GCNT2: variants seen among roughly 807,000 people sequenced by gnomAD.
GCNT2 encodes the protein glucosaminyl (N-acetyl) transferase 2 (I blood group).
In GCNT2, 34 loss-of-function variants were observed where a neutral mutation model predicts 34.2. The ratio of observed to expected loss-of-function variants is 1.00; its 90% CI spans 0.76 to 1.32. The LOEUF is 1.32. Among genes scored for constraint, GCNT2 ranks in the 40% most tolerant of loss-of-function variants. GCNT2 has a pLI of 0.00. For missense variants in GCNT2, 584 were observed against 489.4 expected (o/e 1.19, Z -1.82); for synonymous variants, 212 against 188.0 (o/e 1.13, Z -1.04).
chr6:10,553,535 T>C (rs1762566126), intron 3 of GCNT2, among the ~76,000 whole-genome samples: 1 of 152,202 alleles, frequency 6.6e-6, no homozygotes, highest in African/African-American at 2.4e-5. Context: ...TCCTCTGTCA[T>C]TTCAAAGAAA....
chr6:10,541,966 C>T (rs961820311), intron 3 of GCNT2, among the ~76,000 whole-genome samples: 2 of 152,126 alleles, frequency 1.3e-5, no homozygotes, highest in African/African-American at 2.4e-5. Context: ...AAAGCAGAAT[C>T]TTGGAGGGTA....
chr6:10,591,822 A>G (rs1179450629), intron 3 of GCNT2, among the ~76,000 whole-genome samples: 1 of 152,228 alleles, frequency 6.6e-6, no homozygotes. Context: ...ATAGAAAGAA[A>G]CTCAAAACGT....
rs143363982 is a variant in GCNT2 at position 10,529,689 on chromosome 6, A to G, written c.778A>G (p.Ile260Val). 27 of 1,613,872 alleles carry G rather than the reference A, an allele frequency of 1.7e-5. No homozygotes were observed. The African/African-American group carries it at 3.6e-4, about 22-fold the overall frequency. Residue 260 changes from isoleucine (I) to valine (V), a missense_variant, in exon 3 of 5, where the codon ATT (isoleucine) becomes GTT (valine). Transcript: ENST00000495262. Reference protein sequence around the residue: ...LKTPPPHDMVIYFGTAYVALT... With the variant: ...LKTPPPHDMVVYFGTAYVALT... ...AACTCCTCCTCCTCATGACATGGTG[A>G]TTTACTTTGGCACGGCCTACGTGGC...
chr6:10,524,986 C>G (rs1046366793), intron 1 of GCNT2, among the ~76,000 whole-genome samples: 7 of 152,104 alleles, frequency 4.6e-5, no homozygotes, highest in African/African-American at 7.2e-5. Context: ...CCCACCCCCC[C>G]GGTTTCTAAT....
At chr6:10,545,068 G>A (rs1455935604) in intron 3 of GCNT2, among the ~76,000 whole-genome samples, 1 of 152,136 alleles carries the variant, frequency 6.6e-6, no homozygotes, top group African/African-American at 2.4e-5. Flanking sequence ...TTCCTTTTCT[G>A]CGATTTTATG....
At chr6:10,526,734 T>G (rs1396849014) in intron 1 of GCNT2, among the ~76,000 whole-genome samples, 1 of 152,178 alleles carries the variant, frequency 6.6e-6, no homozygotes, top group Admixed American at 6.5e-5. Flanking sequence ...TAAGAATGTG[T>G]ATTTCCTATA....
intron 3 of GCNT2, among the ~76,000 whole-genome samples, chr6:10,608,522 T>C (rs113485566): frequency 5.8e-4 from 89 of 152,338 alleles, no homozygotes; most frequent in African/African-American, 2.0e-3. Context: ...TCTAAATCTT[T>C]GCGAGCTTGA....
rs371217806 is a variant in GCNT2, at chr6:10,626,582, C to T, written c.1184C>T (p.Ala395Val). Residue 395 changes from alanine (A) to valine (V), a missense_variant, in exon 5 of 5, where the codon GCG becomes GTG. Physicochemically the swap from Ala to Val is moderately conservative, Grantham distance 64. Coordinates refer to ENST00000495262, the MANE Select transcript of GCNT2 (RefSeq NM_145649.5). ...AGAACCCTCAATCAGAGTGAAACTG[C>T]GATACAACCCAGCTGGTATTTTTGA... is the stretch of plus-strand genomic sequence containing the variant. ...RERTLNQSET[A>V]IQPSWYF 98 of 1,613,382 alleles carry T rather than the reference C, an allele frequency of 6.1e-5. 1 individual carries two copies. The South Asian group carries it at 9.6e-4, about 16-fold the overall frequency.
At chr6:10,578,445 CTTTTTTTTTT>C (rs1211582798) in intron 3 of GCNT2, among the ~76,000 whole-genome samples, 1 of 103,948 alleles carries the variant, frequency 9.6e-6, no homozygotes, top group East Asian at 2.6e-4. Context: ...AGCTTACATT[CTTTTTTTTTT>C]TTTTTTTTTT....
At chr6:10,616,283 A>G (rs1765757236) in intron 3 of GCNT2, among the ~76,000 whole-genome samples, 1 of 152,164 alleles carries the variant, frequency 6.6e-6, no homozygotes, top group Non-Finnish European at 1.5e-5. Flanking sequence ...CTTCGTGGTG[A>G]GTGTTACCAC....
chr6:10,523,162 C>CTG (rs1307620202), intron 1 of GCNT2, among the ~76,000 whole-genome samples: 1 of 152,174 alleles, frequency 6.6e-6, no homozygotes, highest in Non-Finnish European at 1.5e-5. Flanking sequence ...TGGCTCATGA[C>CTG]TGTAATCCCA....
chr6:10,583,379 G>T (rs554779363), intron 3 of GCNT2, among the ~76,000 whole-genome samples: 1 of 152,112 alleles, frequency 6.6e-6, no homozygotes, highest in Non-Finnish European at 1.5e-5. Context: ...CGGCAGGTAC[G>T]ATTGCTAGGT....
intron 3 of GCNT2, among the ~76,000 whole-genome samples, chr6:10,531,874 CTTTTTTTTT>C (rs71548846): frequency 7.7e-6 from 1 of 129,586 alleles, no homozygotes; most frequent in Admixed American, 8.0e-5. Context: ...CCAATCCCCA[CTTTTTTTTT>C]TTTTTTTTTT....
At chr6:10,559,330 G>C (rs1316522591) in intron 3 of GCNT2, among the ~76,000 whole-genome samples, 1 of 152,186 alleles carries the variant, frequency 6.6e-6, no homozygotes, top group East Asian at 1.9e-4. Flanking sequence ...GTAGAGGAGA[G>C]AATGCTACCT....
intron 3 of GCNT2, among the ~76,000 whole-genome samples, chr6:10,555,417 G>T (rs1169623986): frequency 1.3e-5 from 2 of 152,048 alleles, no homozygotes; most frequent in African/African-American, 4.8e-5. Context: ...GCTTAACTGG[G>T]CAGGCATATG....
intron 3 of GCNT2, among the ~76,000 whole-genome samples, chr6:10,580,858 G>C (rs1251878403): frequency 6.6e-6 from 1 of 152,294 alleles, no homozygotes; most frequent in East Asian, 1.9e-4. Flanking sequence ...CCCAGCCCTG[G>C]TTTTCATGTT....
intron 3 of GCNT2, among the ~76,000 whole-genome samples, chr6:10,570,566 T>G (rs1284264286): frequency 6.6e-6 from 1 of 152,218 alleles, no homozygotes; most frequent in Non-Finnish European, 1.5e-5. Context: ...TCTGGACATT[T>G]CCTGGTTCAT....
chr6:10,598,423 C>T (rs1323639108), intron 3 of GCNT2, among the ~76,000 whole-genome samples: 1 of 152,160 alleles, frequency 6.6e-6, no homozygotes, highest in Non-Finnish European at 1.5e-5. Context: ...ATTTATATTA[C>T]ACCGTGGACA....
chr6:10,584,571 C>T (rs1411045480), intron 3 of GCNT2, among the ~76,000 whole-genome samples: 1 of 152,206 alleles, frequency 6.6e-6, no homozygotes, highest in South Asian at 2.1e-4. Flanking sequence ...CAGGTTGTCT[C>T]AGTGGGGGGA....
Sources: gnomAD v4.1 joint callset for allele counts (sites outside exome capture counted in the v4.1 genomes callset) on GRCh38, gnomAD v4.1.1 for gene constraint, MANE v1.5 for transcripts, NCBI Gene and HGNC (gene_info 2026-07-23, HGNC 2026-07-21) for gene names.